The following NVL variants were observed in gnomAD, a reference collection of about 807,000 sequenced individuals.
The protein encoded by NVL is nuclear VCP like.
In NVL, 84 loss-of-function variants were observed where a neutral mutation model predicts 110.2. That is an observed-to-expected ratio of 0.76 (90% CI 0.64 to 0.91). The LOEUF (loss-of-function observed/expected upper bound fraction) is 0.91, where lower values mean the gene tolerates loss of function less well. Ranked by LOEUF, NVL falls within the 40% of genes least tolerant of loss-of-function variation. NVL has a pLI of 0.00. For synonymous variants in NVL, 354 were observed against 361.1 expected (o/e 0.98, Z 0.22); for missense variants, 882 against 1,035.9 (o/e 0.85, Z 2.04).
Position 224,267,084 on chromosome 1 carries a change from A to C in NVL, c.2182+950T>G, listed in dbSNP as rs557162469. On this transcript the variant is annotated intron_variant, in intron 18 of 22. Transcript: ENST00000281701. Reference sequence around the variant, plus strand: ...CTTTGTTGAGCTAATGTGGTGACGCATAGTGGCCCCACAGATAGCTTCGGG... The same window carrying C: ...CTTTGTTGAGCTAATGTGGTGACGCCTAGTGGCCCCACAGATAGCTTCGGG... Among the ~76,000 whole-genome samples the C allele has an allele frequency of 1.1e-4, 16 of 152,290 alleles. 1 individual carries two copies. Among genetic ancestry groups the C allele is most frequent in the South Asian group, 2.1e-4 (1 of 4,818 alleles).
At chr1:224,261,664 G>C (rs1663997217) in intron 18 of NVL, among the ~76,000 whole-genome samples, 1 of 152,124 alleles carries the variant, frequency 6.6e-6, no homozygotes, top group Non-Finnish European at 1.5e-5. Flanking sequence ...ATTAGAAGAG[G>C]GCTAGGGCTA....
At position 224,326,433 on chromosome 1, in the gene NVL, A is replaced by G; in HGVS notation, c.89T>C (p.Val30Ala). 1 of 1,612,660 alleles carries G rather than the reference A, an allele frequency of 6.2e-7. No homozygotes were observed. The highest frequency in any genetic ancestry group is 1.1e-5 in the South Asian group (1 of 90,900). The stretch of plus-strand genomic sequence containing the variant: ...ATCAGACGCTAAGACTCCAATGTCC[A>G]CATATTTGCCACATTTGTTACTGGT... ...YLTSNKCGKY[V>A]DIGVLASDLQ... Residue 30 changes from valine (V) to alanine (A), a missense_variant, in exon 2 of 23, where the codon GTG becomes GCG. By Grantham distance (64) the Val-to-Ala change is moderately conservative. Transcript: ENST00000281701.
intron 4 of NVL, among the ~76,000 whole-genome samples, chr1:224,317,352 T>G (rs1030264498): frequency 6.6e-6 from 1 of 152,118 alleles, no homozygotes; most frequent in African/African-American, 2.4e-5. Context: ...TATGATATGA[T>G]AAGGATTATA....
chr1:224,239,958 C>T (rs1014803176), intron 19 of NVL, among the ~76,000 whole-genome samples: 1 of 151,860 alleles, frequency 6.6e-6, no homozygotes, highest in Non-Finnish European at 1.5e-5. Context: ...AGTGCAGTGA[C>T]GCAATCTCGG....
chr1:224,312,983 C>A, intron 4 of NVL: 1 of 218,058 alleles, frequency 4.6e-6, no homozygotes, highest in South Asian at 5.0e-5. Flanking sequence ...CTAAGGGAGA[C>A]TCTGTCTCTA....
intron 2 of NVL, among the ~76,000 whole-genome samples, chr1:224,318,555 T>C (rs1028685745): frequency 5.9e-5 from 9 of 152,038 alleles, no homozygotes; most frequent in Admixed American, 5.9e-4. Flanking sequence ...TGAGCCGTGA[T>C]TGCGCCAATG....
intron 11 of NVL, 123 bp downstream of exon 11, chr1:224,296,378 T>C: frequency 5.5e-6 from 3 of 548,044 alleles, no homozygotes; most frequent in Non-Finnish European, 9.2e-6. Context: ...CTGTGCCCAG[T>C]ATGACTTTTT....
chr1:224,293,614 G>A lies in NVL; in HGVS notation c.1325+653C>T, dbSNP rs73130446. On this transcript the variant is annotated intron_variant, in intron 12 of 22. Transcript: ENST00000281701. ...AGGTTAGTGCAATAGGTTAAAGTAT[G>A]GTACTCAGATTTAACCTATAAGTGG... is the stretch of plus-strand genomic sequence containing the variant. Among the ~76,000 whole-genome samples the A allele has an allele frequency of 6.1e-3, 922 of 152,272 alleles. 8 individuals carry two copies. Among genetic ancestry groups the A allele is most frequent in the African/African-American group, 0.021 (871 of 41,556 alleles).
chr1:224,258,237 A>G (rs998934674), intron 18 of NVL, among the ~76,000 whole-genome samples: 2 of 152,196 alleles, frequency 1.3e-5, no homozygotes, highest in Non-Finnish European at 2.9e-5. Context: ...ATGACCAGAC[A>G]TATCTCCAAA....
At chr1:224,287,505 C>A (rs1666980497) in intron 14 of NVL, among the ~76,000 whole-genome samples, 1 of 152,166 alleles carries the variant, frequency 6.6e-6, no homozygotes, top group Admixed American at 6.5e-5. Context: ...TTCATCAATA[C>A]ACATTTAATA....
chr1:224,242,593 G>C lies in NVL; in HGVS notation c.2290-6011C>G, dbSNP rs532156758. ...AGCGATTCTCCTGCCTCAGCCTTCC[G>C]AGTAGCTGGGACTACAGGTGCACGC... On this transcript the variant is annotated intron_variant, in intron 19 of 22. Coordinates refer to ENST00000281701, the MANE Select transcript of NVL (RefSeq NM_002533.4). 6.9e-5 allele frequency among the ~76,000 whole-genome samples: 10 copies of C among 144,402 alleles called. No individual in the cohort carries two copies. In the East Asian group the frequency reaches 2.1e-3, roughly 30 times the overall value. 94.7% of individuals were successfully genotyped at this position (144,402 alleles called of 152,430 possible). A position where few individuals can be genotyped will look rare whatever the true frequency, so the allele number is the denominator to read the frequency against.
intron 2 of NVL, among the ~76,000 whole-genome samples, chr1:224,325,123 T>C (rs978940987): frequency 6.6e-6 from 1 of 151,274 alleles, no homozygotes; most frequent in Non-Finnish European, 1.5e-5. Context: ...TAGTTGGGTG[T>C]GGTTAGCACA....
At chr1:224,289,164 T>C (rs1017947668) in intron 13 of NVL, 2 of 277,806 alleles carry the variant, frequency 7.2e-6, no homozygotes, top group Admixed American at 5.0e-5. Flanking sequence ...AGACAACATG[T>C]ATACAAATGA....
intron 18 of NVL, among the ~76,000 whole-genome samples, chr1:224,267,160 C>T (rs1015263724): frequency 3.9e-5 from 6 of 152,076 alleles, no homozygotes; most frequent in African/African-American, 1.4e-4. Flanking sequence ...GTTGTAACTC[C>T]GAGCCATCTT....
At chr1:224,242,861 T>C (rs1307164136) in intron 19 of NVL, among the ~76,000 whole-genome samples, 1 of 147,642 alleles carries the variant, frequency 6.8e-6, no homozygotes, top group Non-Finnish European at 1.5e-5. Flanking sequence ...AGTTTCGTCC[T>C]GTTGCCCAGG....
At chr1:224,282,933 G>A (rs1330783361) in intron 15 of NVL, among the ~76,000 whole-genome samples, 1 of 152,092 alleles carries the variant, frequency 6.6e-6, no homozygotes, top group Non-Finnish European at 1.5e-5. Flanking sequence ...AGGTTTCTAG[G>A]TTCTGACCTA....
chr1:224,320,623 G>A (rs1670548533), intron 2 of NVL, among the ~76,000 whole-genome samples: 1 of 151,778 alleles, frequency 6.6e-6, no homozygotes, highest in Non-Finnish European at 1.5e-5. Context: ...CTCCAGCCTG[G>A]GTGACTGAGT....
intron 4 of NVL, among the ~76,000 whole-genome samples, chr1:224,314,312 A>G (rs1669850470): frequency 6.6e-6 from 1 of 152,250 alleles, no homozygotes; most frequent in African/African-American, 2.4e-5. Flanking sequence ...ATAAATATCC[A>G]TGAATATGGA....
chr1:224,291,650 T>G (rs1337238429), intron 12 of NVL, among the ~76,000 whole-genome samples: 2 of 152,210 alleles, frequency 1.3e-5, no homozygotes, highest in Non-Finnish European at 2.9e-5. Flanking sequence ...TTTGCTACTA[T>G]GCACAAGAAT....
Sources: allele counts gnomAD v4.1 joint callset (sites outside exome capture counted in the v4.1 genomes callset), GRCh38; gene constraint gnomAD v4.1.1; transcripts MANE v1.5; gene names NCBI Gene and HGNC (gene_info 2026-07-23, HGNC 2026-07-21).